LGMN: variants seen among roughly 807,000 people sequenced by gnomAD.
The protein encoded by LGMN is legumain, also known as asparaginyl endopeptidase.
Under a neutral mutation model 56.8 loss-of-function variants are expected in LGMN, and 36 were observed. The observed-to-expected ratio is 0.63, with a 90% confidence interval of 0.49 to 0.84. The LOEUF is 0.84. Ranked by LOEUF, LGMN falls within the 40% of genes least tolerant of loss-of-function variation. The probability of loss-of-function intolerance (pLI) is 0.00; values close to 1 mark genes in which losing one functional copy is unlikely to be tolerated. For missense variants in LGMN, 446 were observed against 556.1 expected (o/e 0.80, Z 1.99); for synonymous variants, 199 against 210.1 (o/e 0.95, Z 0.46).
chr14:92,705,111 C>T (rs1033630340), intron 12 of LGMN, among the ~76,000 whole-genome samples: 11 of 152,212 alleles, frequency 7.2e-5, no homozygotes, highest in African/African-American at 2.7e-4. Context: ...AAGGGTGAAG[C>T]AGCGGGGATG....
rs202247404 is a variant in LGMN, at chr14:92,718,793, C to A, written c.190G>T (p.Glu64Ter). ...TCGTACATCATCACAACGATCTGTT[C>A]GTCAGGAATCCCATTGCGGTGAATG... is the stretch of plus-strand genomic sequence containing the variant. Reference protein sequence around the residue: ...QIIHRNGIPDEQIVVMMYDDI... With the variant: ...QIIHRNGIPD The change falls in exon 3 of 14, where the codon GAA becomes TAA. Residue 64 changes from glutamate (E) to a stop codon, truncating the protein, a stop_gained. Coordinates refer to ENST00000334869, the MANE Select transcript of LGMN (RefSeq NM_005606.7). LOFTEE classifies it high-confidence loss of function. The A allele has an allele frequency of 1.2e-6, 2 of 1,613,084 alleles. No homozygotes were observed. Among genetic ancestry groups the A allele is most frequent in the African/African-American group, 2.7e-5 (2 of 74,820 alleles).
At chr14:92,744,715 C>A (rs1479694675) in intron 1 of LGMN, among the ~76,000 whole-genome samples, 1 of 151,732 alleles carries the variant, frequency 6.6e-6, no homozygotes, top group East Asian at 1.9e-4. Flanking sequence ...CCTGCCTCAG[C>A]CTCCCAAGTA....
chr14:92,711,825 C>G lies in LGMN; in HGVS notation c.729+12G>C. 1 of 1,608,526 alleles carries G rather than the reference C, an allele frequency of 6.2e-7. No homozygotes were observed. Among genetic ancestry groups the G allele is most frequent in the Non-Finnish European group, 8.5e-7 (1 of 1,174,868 alleles). On this transcript the variant is annotated intron_variant, in intron 9 of 13. Coordinates refer to ENST00000334869, the MANE Select transcript of LGMN (RefSeq NM_005606.7). ...AAACCCCAGCTGAACAGCCAGCCCC[C>G]AAAGGGCTCACCACGTCCGAATCTT...
At chr14:92,744,627 C>T (rs1891734470) in intron 1 of LGMN, among the ~76,000 whole-genome samples, 1 of 138,972 alleles carries the variant, frequency 7.2e-6, no homozygotes, top group Non-Finnish European at 1.5e-5. Context: ...CGGAGTTTCG[C>T]TCTTGTTGCC....
At chr14:92,706,861 G>A (rs1889459370) in intron 11 of LGMN, among the ~76,000 whole-genome samples, 1 of 152,060 alleles carries the variant, frequency 6.6e-6, no homozygotes, top group African/African-American at 2.4e-5. Flanking sequence ...TGCCTTTTGG[G>A]GATCTTCTGG....
At chr14:92,745,952 G>A (rs555252415) in intron 1 of LGMN, among the ~76,000 whole-genome samples, 1 of 152,142 alleles carries the variant, frequency 6.6e-6, no homozygotes, top group South Asian at 2.1e-4. Flanking sequence ...CTCCCGAGTA[G>A]CTGGGATTAC....
chr14:92,725,021 G>C (rs1396371864), intron 2 of LGMN, among the ~76,000 whole-genome samples: 2 of 152,178 alleles, frequency 1.3e-5, no homozygotes, highest in Non-Finnish European at 2.9e-5. Flanking sequence ...CCCAGAGAAA[G>C]AATCTGACAA....
chr14:92,734,884 C>T (rs1388367442), intron 1 of LGMN, among the ~76,000 whole-genome samples: 2 of 152,114 alleles, frequency 1.3e-5, no homozygotes, highest in Non-Finnish European at 2.9e-5. Flanking sequence ...TTCCTTGACT[C>T]GCCACTCAGC....
intron 2 of LGMN, among the ~76,000 whole-genome samples, 160 bp from the exon 3 acceptor site, chr14:92,719,004 T>G (rs939104537): frequency 1.3e-5 from 2 of 152,166 alleles, no homozygotes; most frequent in Non-Finnish European, 2.9e-5. Context: ...TGATATTTTT[T>G]ATCTCAATTT....
chr14:92,730,987 T>C (rs1891022619), intron 2 of LGMN, among the ~76,000 whole-genome samples: 1 of 151,798 alleles, frequency 6.6e-6, no homozygotes, highest in Admixed American at 6.6e-5. Flanking sequence ...TAAATGTGGC[T>C]ACTAGAACAT....
Position 92,704,649 on chromosome 14 carries a change from G to C in LGMN, c.1250C>G (p.Pro417Arg). 6.2e-7 allele frequency: 1 copy of C among 1,612,490 alleles called. No homozygotes were observed. The highest frequency in any genetic ancestry group is 8.5e-7 in the Non-Finnish European group (1 of 1,178,510). ...CCGCTGCATTAGTTACCTGTGAAGC[G>C]GATACGGCTTCTCACAAAGGTTGAC... ...VLVNLCEKPY[P>R]LHRIKLSMDH... The change falls in exon 13 of 14, where the codon CCG (proline) becomes CGG (arginine). Residue 417 changes from proline to arginine, a missense_variant. By Grantham distance (103) the Pro-to-Arg change is moderately radical (BLOSUM62 -2). Transcript: ENST00000334869.
chr14:92,720,642 G>A (rs1014747157), intron 2 of LGMN, among the ~76,000 whole-genome samples: 2 of 152,184 alleles, frequency 1.3e-5, no homozygotes, highest in Non-Finnish European at 2.9e-5. Context: ...ACGCCAGCCT[G>A]GGCAACAAGA....
Position 92,716,235 on chromosome 14 carries a change from G to C in LGMN, c.319-14C>G. 1 of 1,592,564 alleles carries C rather than the reference G, an allele frequency of 6.3e-7. No homozygotes were observed. The highest frequency in any genetic ancestry group is 8.6e-7 in the Non-Finnish European group (1 of 1,160,588). The stretch of plus-strand genomic sequence containing the variant: ...TGGGGTAACATCCTACAAAGAATTA[G>C]GAGCCACAATCAGATGCAGCTGTCG... On this transcript the variant is annotated splice_polypyrimidine_tract_variant and intron_variant, in intron 4 of 13. Coordinates refer to ENST00000334869, the MANE Select transcript of LGMN (RefSeq NM_005606.7).
At chr14:92,707,580 T>C (rs141867610) in intron 11 of LGMN, among the ~76,000 whole-genome samples, 1 of 152,386 alleles carries the variant, frequency 6.6e-6, no homozygotes, top group Non-Finnish European at 1.5e-5. Context: ...TACTCCCACA[T>C]GTAAAGCAAT....
chr14:92,712,877 AGGCAGACGG>A lies in LGMN; in HGVS notation c.544-15_544-7del. 6.2e-7 allele frequency: 1 copy of A among 1,613,368 alleles called. No individual in the cohort carries two copies. Among genetic ancestry groups the A allele is most frequent in the South Asian group, 1.1e-5 (1 of 90,886 alleles). Reference sequence around the variant, plus strand: ...GCTTCAATGTAGAACACCATCTGTGAGGCAGACGGGGCAGGTGAGCTCACCCCATCCAGG... The same window carrying A: ...GCTTCAATGTAGAACACCATCTGTGAGGCAGGTGAGCTCACCCCATCCAGG... On this transcript the variant is annotated splice_region_variant and splice_polypyrimidine_tract_variant and intron_variant, in intron 7 of 13. Transcript: ENST00000334869.
intron 8 of LGMN, among the ~76,000 whole-genome samples, chr14:92,712,440 AT>A (rs1252907892): frequency 1.3e-5 from 2 of 152,236 alleles, no homozygotes; most frequent in African/African-American, 2.4e-5. Flanking sequence ...CACTATCTTT[AT>A]CCCCATTTTA....
chr14:92,724,360 T>A (rs961712946), intron 2 of LGMN, among the ~76,000 whole-genome samples: 3 of 152,126 alleles, frequency 2.0e-5, no homozygotes, highest in Non-Finnish European at 4.4e-5. Flanking sequence ...TCTTCCACAC[T>A]CACTGCCTCC....
rs1218649245 is a variant in LGMN, at chr14:92,711,933, G to A, written c.633C>T (p.Asn211=). The A allele has an allele frequency of 1.2e-6, 2 of 1,613,596 alleles. No individual in the cohort carries two copies. The highest frequency in any genetic ancestry group is 1.7e-6 in the Non-Finnish European group (2 of 1,179,594). ...NINVYATTAA[N]PRESSYACYY... is the part of the protein sequence containing the mutation. The stretch of plus-strand genomic sequence containing the variant: ...AACAGGCGTAGGACGACTCTCTGGG[G>A]TTGGCAGCAGTAGTTGCATAAACTA... Residue 211 remains asparagine, a synonymous_variant, in exon 9 of 14, where the codon AAC becomes AAT. Transcript: ENST00000334869.
chr14:92,710,663 C>T (rs1166985529), intron 10 of LGMN, among the ~76,000 whole-genome samples: 1 of 152,352 alleles, frequency 6.6e-6, no homozygotes, highest in East Asian at 1.9e-4. Flanking sequence ...GGAGAAGATC[C>T]ACCACAACTC....
Sources: gnomAD v4.1 joint callset for allele counts (sites outside exome capture counted in the v4.1 genomes callset) on GRCh38, gnomAD v4.1.1 for gene constraint, MANE v1.5 for transcripts, NCBI Gene and HGNC (gene_info 2026-07-23, HGNC 2026-07-21) for gene names.